PTP4A2: variants seen among roughly 807,000 people sequenced by gnomAD.
PTP4A2 encodes protein tyrosine phosphatase type IVA 2.
PTP4A2 carries 2 observed loss-of-function variants against 22.9 expected under a neutral mutation model. The ratio of observed to expected loss-of-function variants is 0.09; its 90% CI spans 0.04 to 0.27. The LOEUF is 0.27. Among genes scored for constraint, PTP4A2 ranks in the 10% least tolerant of loss-of-function variants. The pLI, the probability that PTP4A2 is intolerant of heterozygous loss-of-function variation, is 1.00. For synonymous variants in PTP4A2, 68 were observed against 69.1 expected (o/e 0.98, Z 0.08); for missense variants, 103 against 205.1 (o/e 0.50, Z 3.04).
chr1:31,908,875 T>A lies in PTP4A2; in HGVS notation c.481A>T (p.Asn161Tyr). The A allele has an allele frequency of 2.5e-6, 4 of 1,613,298 alleles. No individual in the cohort carries two copies. Among genetic ancestry groups the A allele is most frequent in the Non-Finnish European group, 3.4e-6 (4 of 1,179,594 alleles). ...PKMRLRFRDTNGHCCVQ is the reference protein window; with the variant it reads ...PKMRLRFRDTYGHCCVQ ...TTCTACTGAACACAGCAATGCCCAT[T>A]GGTATCTCTGAAGCGTAATCGCATC... Residue 161 changes from asparagine to tyrosine, a missense_variant, in exon 6 of 6, where the codon AAT becomes TAT. Transcript: ENST00000647444.
At chr1:31,928,403 TA>T (rs1314334387) in intron 1 of PTP4A2, among the ~76,000 whole-genome samples, 6 of 151,516 alleles carry the variant, frequency 4.0e-5, no homozygotes, top group East Asian at 1.9e-4. Flanking sequence ...TTTTTACTGT[TA>T]AAAAAAATTT....
Position 31,911,832 on chromosome 1 carries a change from A to G in PTP4A2, c.190-6T>C. 1 of 1,561,014 alleles carries G rather than the reference A, an allele frequency of 6.4e-7. No homozygotes were observed. The highest frequency in any genetic ancestry group is 1.4e-5 in the African/African-American group (1 of 72,512). ...CCATCATCAAATGGCCAATCCTGAAAAGAAATGACCTTTTACATTAAATTG... is the reference window on the plus strand; with the variant it reads ...CCATCATCAAATGGCCAATCCTGAAGAGAAATGACCTTTTACATTAAATTG... On this transcript the variant is annotated splice_polypyrimidine_tract_variant and splice_region_variant and intron_variant, in intron 3 of 5. Transcript: ENST00000647444.
At chr1:31,910,456 A>G (rs1651476935) in intron 4 of PTP4A2, 1 of 179,534 alleles carries the variant, frequency 5.6e-6, no homozygotes, top group Admixed American at 5.7e-5. Context: ...TGCCCAGCTA[A>G]TTTTTGATTT....
intron 1 of PTP4A2, among the ~76,000 whole-genome samples, chr1:31,927,924 T>C (rs1652541493): frequency 6.6e-6 from 1 of 152,130 alleles, no homozygotes; most frequent in Admixed American, 6.5e-5. Flanking sequence ...TCTGAAAACT[T>C]GTAAACTAAA....
intron 3 of PTP4A2, chr1:31,913,040 AT>A: frequency 2.2e-6 from 1 of 454,216 alleles, no homozygotes; most frequent in Non-Finnish European, 4.4e-6. Context: ...AAGAAACAAT[AT>A]AAAACATGCT....
chr1:31,915,991 TAAA>T lies in PTP4A2; in HGVS notation c.97-7_97-5del, dbSNP rs761491536. The T allele has an allele frequency of 2.8e-5, 33 of 1,198,610 alleles. No homozygotes were observed. The highest frequency in any genetic ancestry group is 6.2e-5 in the South Asian group (4 of 64,674). The allele number at this position is 1,198,610 out of a possible 1,614,324, so 74.2% of individuals were successfully genotyped here. A position where few individuals can be genotyped will look rare whatever the true frequency, so the allele number is the denominator to read the frequency against. On this transcript the variant is annotated splice_polypyrimidine_tract_variant and splice_region_variant and intron_variant, in intron 2 of 5. Transcript: ENST00000647444. The stretch of plus-strand genomic sequence containing the variant: ...TCACTCCATACTTCTTAAGTTCCTT[TAAA>T]AAAAAAAAAAATTATAATGGAACTT...
At chr1:31,920,233 C>A (rs992106039) in intron 1 of PTP4A2, among the ~76,000 whole-genome samples, 1 of 149,552 alleles carries the variant, frequency 6.7e-6, no homozygotes, top group Non-Finnish European at 1.5e-5. Context: ...CACCTGAGGT[C>A]GGGAGTTCAA....
At chr1:31,914,793 A>T (rs907506683) in intron 3 of PTP4A2, among the ~76,000 whole-genome samples, 2 of 152,228 alleles carry the variant, frequency 1.3e-5, no homozygotes, top group Non-Finnish European at 2.9e-5. Flanking sequence ...TGCTATAAGG[A>T]AACAGCCTAT....
At chr1:31,928,227 ATAT>A (rs200591998) in intron 1 of PTP4A2, among the ~76,000 whole-genome samples, 1,493 of 144,908 alleles carry the variant, frequency 0.01, 26 homozygotes, top group African/African-American at 0.035. Flanking sequence ...AAATATAATA[ATAT>A]AATATATAGC....
chr1:31,919,109 GA>G lies in PTP4A2; in HGVS notation c.-45del. 1 of 953,906 alleles carries G rather than the reference GA, an allele frequency of 1.0e-6. No individual in the cohort carries two copies. Among genetic ancestry groups the G allele is most frequent in the Non-Finnish European group, 1.6e-6 (1 of 609,400 alleles). 59.1% of individuals were successfully genotyped at this position (953,906 alleles called of 1,614,324 possible). A position where few individuals can be genotyped will look rare whatever the true frequency, so the allele number is the denominator to read the frequency against. ...TGAGCGTGCGTGTGAGTGTGATGGG[GA>G]AAGTGAAAAAAAAAAATCAATAAAT... is the stretch of plus-strand genomic sequence containing the variant. On this transcript the variant is annotated 5_prime_UTR_variant, in exon 2 of 6. Coordinates refer to ENST00000647444, the MANE Select transcript of PTP4A2 (RefSeq NM_080391.4).
Position 31,907,695 on chromosome 1 carries a change from T to A in PTP4A2, c.*1157A>T, listed in dbSNP as rs1188205414. 1.3e-5 allele frequency: 2 copies of A among 152,144 alleles called. No homozygotes were observed. Among genetic ancestry groups the A allele is most frequent in the Non-Finnish European group, 2.9e-5 (2 of 68,036 alleles). The allele number at this position is 152,144 out of a possible 1,614,324, so 9.4% of individuals were successfully genotyped here. A position where few individuals can be genotyped will look rare whatever the true frequency, so the allele number is the denominator to read the frequency against. On this transcript the variant is annotated 3_prime_UTR_variant, in exon 6 of 6. Transcript: ENST00000647444. ...TTCTCAAGTCGAAAATATGTGAATT[T>A]GCTGCTGCTCCTTTGACGGTTCCTG...
intron 3 of PTP4A2, 49 bp downstream of exon 3, chr1:31,915,846 G>T: frequency 3.2e-6 from 4 of 1,233,916 alleles, no homozygotes; most frequent in Non-Finnish European, 4.7e-6. Flanking sequence ...AAATATTTAT[G>T]TTTGAAAGAT....
chr1:31,936,405 A>G (rs1212040594), intron 1 of PTP4A2, among the ~76,000 whole-genome samples: 1 of 151,994 alleles, frequency 6.6e-6, no homozygotes, highest in Non-Finnish European at 1.5e-5. Context: ...CCATCTCAAA[A>G]ACAAACAAAA....
At chr1:31,933,010 T>C (rs907314067) in intron 1 of PTP4A2, 7 of 151,862 alleles carry the variant, frequency 4.6e-5, no homozygotes, top group African/African-American at 1.7e-4. Flanking sequence ...ATTTTTTCTT[T>C]TTTTTTTTTG....
chr1:31,918,976 G>A lies in PTP4A2; in HGVS notation c.90C>T (p.Phe30=). The A allele has an allele frequency of 6.4e-7, 1 of 1,566,832 alleles. No homozygotes were observed. The highest frequency in any genetic ancestry group is 8.8e-7 in the Non-Finnish European group (1 of 1,137,450). Residue 30 remains phenylalanine, a synonymous_variant, in exon 2 of 6, where the codon TTC becomes TTT. Transcript: ENST00000647444. ...GACCATGCCACAATCTTACCTCTGTGAACTTGTTGAGAGTAGCATTGGTAG... is the reference window on the plus strand; with the variant it reads ...GACCATGCCACAATCTTACCTCTGTAAACTTGTTGAGAGTAGCATTGGTAG... ...HNPTNATLNK[F]TEELKKYGVT... is the part of the protein sequence containing the mutation.
At chr1:31,913,507 T>A (rs1318674061) in intron 3 of PTP4A2, among the ~76,000 whole-genome samples, 2 of 152,210 alleles carry the variant, frequency 1.3e-5, no homozygotes, top group East Asian at 3.8e-4. Context: ...TCTATAGTGG[T>A]TGTACTAGTT....
chr1:31,922,312 C>T lies in PTP4A2; in HGVS notation c.-593-2654G>A, dbSNP rs144234262. 1.3e-4 allele frequency among the ~76,000 whole-genome samples: 20 copies of T among 152,278 alleles called. No individual in the cohort carries two copies. The East Asian group carries it at 2.5e-3, about 19-fold the overall frequency. On this transcript the variant is annotated intron_variant, in intron 1 of 5. Transcript: ENST00000647444. ...CAGCCTGATCAACATGGAGAAACCC[C>T]ATCTCTACTAAAAATACAAAATTAG...
intron 5 of PTP4A2, among the ~76,000 whole-genome samples, chr1:31,909,418 G>A (rs1651413157): frequency 6.6e-6 from 1 of 152,176 alleles, no homozygotes; most frequent in Admixed American, 6.6e-5. Flanking sequence ...GCTCACGCCT[G>A]TAATCCCAGC....
intron 3 of PTP4A2, among the ~76,000 whole-genome samples, chr1:31,912,063 T>C (rs1651563435): frequency 6.6e-6 from 1 of 152,178 alleles, no homozygotes; most frequent in Non-Finnish European, 1.5e-5. Flanking sequence ...TTACAAAAAC[T>C]TACAGAAATC....
Sources: allele counts gnomAD v4.1 joint callset (sites outside exome capture counted in the v4.1 genomes callset), GRCh38; gene constraint gnomAD v4.1.1; transcripts MANE v1.5; gene names NCBI Gene and HGNC (gene_info 2026-07-23, HGNC 2026-07-21).